The following IRF7 variants were observed in gnomAD, a reference collection of about 807,000 sequenced individuals.
IRF7 encodes interferon regulatory factor-7H.
A neutral mutation model predicts 51.3 loss-of-function variants in IRF7; 67 were observed. The ratio of observed to expected loss-of-function variants is 1.31; its 90% CI spans 1.07 to 1.60. The LOEUF is 1.60. IRF7 is among the 40% of genes most tolerant of loss of function. The probability of loss-of-function intolerance (pLI) is 0.00; values close to 1 mark genes in which losing one functional copy is unlikely to be tolerated. For missense variants in IRF7, 873 were observed against 701.5 expected (o/e 1.24, Z -2.76); for synonymous variants, 427 against 301.3 (o/e 1.42, Z -4.32).
intron 1 of IRF7, 30 bp from the exon 2 acceptor site, chr11:615,677 G>T (rs1175732850): frequency 5.1e-6 from 2 of 393,658 alleles, no homozygotes; most frequent in Non-Finnish European, 9.0e-6. Context: ...GACGTCAGGG[G>T]CGGGTCAGGC....
Position 612,645 on chromosome 11 carries a change from C to G in IRF7, c.1512G>C (p.Ter504TyrextTer4). Residue 504 changes from the stop codon to tyrosine (Y), a stop_lost, in exon 11 of 11, where the codon TAG becomes TAC. Coordinates refer to ENST00000525445, the MANE Select transcript of IRF7 (RefSeq NM_001572.5). ...CFLMELEQPA[*>Y] ...TCTGGAGTTCTCATTAGACTGGGTT[C>G]TAGGCGGGCTGCTCCAGCTCCATAA... is the stretch of plus-strand genomic sequence containing the variant. 1 of 1,612,638 alleles carries G rather than the reference C, an allele frequency of 6.2e-7. No individual in the cohort carries two copies. The highest frequency in any genetic ancestry group is 8.5e-7 in the Non-Finnish European group (1 of 1,179,948).
rs1856544662 is a variant in IRF7, at chr11:613,201, C to G, written c.1237+5G>C. The G allele has an allele frequency of 6.3e-7, 1 of 1,589,958 alleles. No individual in the cohort carries two copies. Among genetic ancestry groups the G allele is most frequent in the South Asian group, 1.1e-5 (1 of 89,054 alleles). On this transcript the variant is annotated splice_donor_5th_base_variant and intron_variant, in intron 9 of 10. Coordinates refer to ENST00000525445, the MANE Select transcript of IRF7 (RefSeq NM_001572.5). ...GACAGCCCCCCAGGCAAGGGCCTCA[C>G]TGACCTTGGAAGAAGACTCTGAAGT...
chr11:612,856 C>G (rs1482422336), intron 10 of IRF7, 56 bp from the exon 11 acceptor site: 45 of 1,591,408 alleles, frequency 2.8e-5, no homozygotes, highest in Non-Finnish European at 3.0e-5. Flanking sequence ...TCCCCTCCCC[C>G]TCCCCAGGCT....
chr11:615,477 A>T lies in IRF7; in HGVS notation c.-113T>A. ...GCCACAGGTCGTGTGGCCAGGTGTC[A>T]CAGGTGTCCACAGGTGTGGACTGAG... is the stretch of plus-strand genomic sequence containing the variant. On this transcript the variant is annotated 5_prime_UTR_variant, in exon 2 of 11. Transcript: ENST00000525445. 1.7e-6 allele frequency: 2 copies of T among 1,187,944 alleles called. No homozygotes were observed. The highest frequency in any genetic ancestry group is 2.3e-6 in the Non-Finnish European group (2 of 879,366). The allele number at this position is 1,187,944 out of a possible 1,614,324, so 73.6% of individuals were successfully genotyped here. A position where few individuals can be genotyped will look rare whatever the true frequency, so the allele number is the denominator to read the frequency against.
rs1027534669 is a variant in IRF7, at chr11:615,513, C to T, written c.-149G>A. ...CAGGTGTGGACTGAGGGCTTGTAGC[C>T]ACCGACGCTGCCTCGGTATGGATCT... On this transcript the variant is annotated 5_prime_UTR_variant, in exon 2 of 11. Coordinates refer to ENST00000525445, the MANE Select transcript of IRF7 (RefSeq NM_001572.5). The T allele has an allele frequency of 6.3e-5, 54 of 857,926 alleles. No homozygotes were observed. The highest frequency in any genetic ancestry group is 8.6e-5 in the Non-Finnish European group (50 of 584,700). The allele number at this position is 857,926 out of a possible 1,614,324, so 53.1% of individuals were successfully genotyped here.
rs138137517 is a variant in IRF7, at chr11:613,859, G to A, written c.773C>T (p.Ala258Val). 18 of 1,598,702 alleles carry A rather than the reference G, an allele frequency of 1.1e-5. No individual in the cohort carries two copies. In the African/African-American group the frequency reaches 2.4e-4, roughly 21 times the overall value. The change falls in exon 8 of 11, where the codon GCC (alanine) becomes GTC (valine). Residue 258 changes from alanine to valine, a missense_variant. Physicochemically the swap from Ala to Val is moderately conservative, Grantham distance 64. Coordinates refer to ENST00000525445, the MANE Select transcript of IRF7 (RefSeq NM_001572.5). The part of the protein sequence containing the change: ...PQPAALTTGE[A>V]AAPESPHQAE... ...CTGGTGCGGGGACTCTGGGGCCGCG[G>A]CCTCGCCTGCATCCGGAAGGGAATC...
In IRF7 at chr11:615,344, C is replaced by T. The variant is rs768506520; in HGVS notation, c.20+1G>A. 3 of 1,534,238 alleles carry T rather than the reference C, an allele frequency of 2.0e-6. No homozygotes were observed. The highest frequency in any genetic ancestry group is 1.4e-5 in the African/African-American group (1 of 72,986). On this transcript the variant is annotated splice_donor_variant, in intron 2 of 10. Coordinates refer to ENST00000525445, the MANE Select transcript of IRF7 (RefSeq NM_001572.5). LOFTEE classifies it high-confidence loss of function. ...CTGGAGAGGGTGGGCCGGGCTCTTA[C>T]CTCTCAGGAGCCAAGGCCATTGCTC...
chr11:614,043 G>A lies in IRF7; in HGVS notation c.680-6C>T, dbSNP rs1856655378. On this transcript the variant is annotated splice_polypyrimidine_tract_variant and splice_region_variant and intron_variant, in intron 6 of 10. Transcript: ENST00000525445. The stretch of plus-strand genomic sequence containing the variant: ...CCCAGCAGGGAGCCCTGGGCCTGAG[G>A]AGGGGAGGACAGTGGGAACGGTGGT... 6.2e-7 allele frequency: 1 copy of A among 1,605,892 alleles called. No homozygotes were observed. Among genetic ancestry groups the A allele is most frequent in the Non-Finnish European group, 8.5e-7 (1 of 1,176,936 alleles).
chr11:614,365 TG>T lies in IRF7; in HGVS notation c.487del (p.His163MetfsTer35). 6.2e-7 allele frequency: 1 copy of T among 1,609,286 alleles called. No individual in the cohort carries two copies. Among genetic ancestry groups the T allele is most frequent in the Non-Finnish European group, 8.5e-7 (1 of 1,178,700 alleles). On this transcript the variant is annotated frameshift_variant, in exon 6 of 11. Coordinates refer to ENST00000525445, the MANE Select transcript of IRF7 (RefSeq NM_001572.5). LOFTEE classifies it high-confidence loss of function. ...GGGGCCTGGGGCTTGGAGTCCAGCA[TG>T]TGTGTGTGCCAGGAATGGCCCTGGG... ...GPPGPFLAHT[H>X]AGLQAPGPLP...
chr11:614,216 C>G lies in IRF7; in HGVS notation c.637G>C (p.Glu213Gln), dbSNP rs375250292. ...ADPVPTKAPG[E>Q]GQEGLPLTGA... ...GTCAGGGGAAGCCCTTCTTGTCCCT[C>G]TCCAGGAGCCTTGGTTGGGACTGGA... The change falls in exon 6 of 11, where the codon GAG (glutamate) becomes CAG (glutamine). Residue 213 changes from glutamate to glutamine, a missense_variant. Glu to Gln is a conservative substitution (Grantham distance 29). Coordinates refer to ENST00000525445, the MANE Select transcript of IRF7 (RefSeq NM_001572.5). 4.5e-5 allele frequency: 73 copies of G among 1,612,968 alleles called. No individual in the cohort carries two copies. Among genetic ancestry groups the G allele is most frequent in the Non-Finnish European group, 6.1e-5 (72 of 1,179,958 alleles).
chr11:612,596 G>C lies in IRF7; in HGVS notation c.*49C>G, dbSNP rs778143529. 1.2e-6 allele frequency: 2 copies of C among 1,604,768 alleles called. No homozygotes were observed. Among genetic ancestry groups the C allele is most frequent in the African/African-American group, 1.3e-5 (1 of 74,810 alleles). On this transcript the variant is annotated 3_prime_UTR_variant, in exon 11 of 11. Coordinates refer to ENST00000525445, the MANE Select transcript of IRF7 (RefSeq NM_001572.5). ...TTATTAGACTGGGCGGCCGCGGCCA[G>C]CTCTAGGTGGGCTGCTCCAGCTTTC...
At position 614,609 on chromosome 11, in the gene IRF7, A is replaced by C. The variant is rs551152208; in HGVS notation, c.395-75T>G. ...ACAAGGAGAGCCTGGTGTAGCCCCC[A>C]CCAGCTTCCTGGCTGTGAACCCTTA... On this transcript the variant is annotated intron_variant, in intron 4 of 10. Coordinates refer to ENST00000525445, the MANE Select transcript of IRF7 (RefSeq NM_001572.5). 1.1e-5 allele frequency: 16 copies of C among 1,514,560 alleles called. No homozygotes were observed. In the South Asian group the frequency reaches 1.9e-4, roughly 18 times the overall value. The allele number at this position is 1,514,560 out of a possible 1,614,324, so 93.8% of individuals were successfully genotyped here. A position where few individuals can be genotyped will look rare whatever the true frequency, so the allele number is the denominator to read the frequency against.
intron 7 of IRF7, 34 bp from the exon 8 acceptor site, chr11:613,899 C>T (rs763286224): frequency 4.4e-6 from 7 of 1,598,388 alleles, no homozygotes; most frequent in Non-Finnish European, 5.1e-6. Context: ...GCTGGCACCT[C>T]ATCCCTAGCC....
chr11:615,327 G>T lies in IRF7; in HGVS notation c.20+18C>A, dbSNP rs770474804. Reference sequence around the variant, plus strand: ...CGCTCGGGGACTGGCATCTGGAGAGGGTGGGCCGGGCTCTTACCTCTCAGG... The same window carrying T: ...CGCTCGGGGACTGGCATCTGGAGAGTGTGGGCCGGGCTCTTACCTCTCAGG... On this transcript the variant is annotated intron_variant, in intron 2 of 10. Transcript: ENST00000525445. 6.4e-7 allele frequency: 1 copy of T among 1,553,882 alleles called. No homozygotes were observed. Among genetic ancestry groups the T allele is most frequent in the Non-Finnish European group, 8.7e-7 (1 of 1,154,738 alleles).
intron 5 of IRF7, 38 bp from the exon 6 acceptor site, chr11:614,437 C>A: frequency 6.3e-7 from 1 of 1,580,288 alleles, no homozygotes; most frequent in Non-Finnish European, 8.6e-7. Context: ...AGCAGCTCCG[C>A]GGCCTGGCAG....
Position 614,156 on chromosome 11 carries a change from C to T in IRF7, c.679+18G>A. On this transcript the variant is annotated intron_variant, in intron 6 of 10. Transcript: ENST00000525445. Reference sequence around the variant, plus strand: ...CTGGCCCCTCCCGCGCTCCCCCCCTCCCCGGGCACGCCCACACCTCCAGCA... The same window carrying T: ...CTGGCCCCTCCCGCGCTCCCCCCCTTCCCGGGCACGCCCACACCTCCAGCA... The T allele has an allele frequency of 6.2e-7, 1 of 1,606,994 alleles. No homozygotes were observed. The highest frequency in any genetic ancestry group is 8.5e-7 in the Non-Finnish European group (1 of 1,176,308).
rs750684733 is a variant in IRF7, at chr11:615,282, A to G, written c.21-23T>C. On this transcript the variant is annotated intron_variant, in intron 2 of 10. Transcript: ENST00000525445. ...GCCCTGCGGGTGCCCGGCCGCGGAG[A>G]GTCAGGGCCGGCTGCAGGGCGCTCG... The G allele has an allele frequency of 5.8e-5, 91 of 1,578,384 alleles. No homozygotes were observed. The highest frequency in any genetic ancestry group is 3.3e-4 in the Middle Eastern group (2 of 6,014).
At position 613,477 on chromosome 11, in the gene IRF7, C is replaced by G. The variant is rs1188278288; in HGVS notation, c.966G>C (p.Arg322=). The change falls in exon 9 of 11, where the codon CGG becomes CGC. Residue 322 remains arginine (R), a synonymous_variant. Coordinates refer to ENST00000525445, the MANE Select transcript of IRF7 (RefSeq NM_001572.5). The part of the protein sequence containing the change: ...FLYGPPDPAV[R]ATDPQQVAFP... ...ATGCTACCTGCTGGGGGTCTGTGGC[C>G]CGGACAGCTGGGTCTGGGGGGCCGT... 1 of 1,543,392 alleles carries G rather than the reference C, an allele frequency of 6.5e-7. No individual in the cohort carries two copies. The highest frequency in any genetic ancestry group is 8.7e-7 in the Non-Finnish European group (1 of 1,146,514).
At position 614,376 on chromosome 11, in the gene IRF7, C is replaced by T. The variant is rs1171289162; in HGVS notation, c.477G>A (p.Leu159=). 5 of 1,607,658 alleles carry T rather than the reference C, an allele frequency of 3.1e-6. No individual in the cohort carries two copies. The highest frequency in any genetic ancestry group is 4.2e-6 in the Non-Finnish European group (5 of 1,177,856). The part of the protein sequence containing the change: ...PPQGGPPGPF[L]AHTHAGLQAP... Reference sequence around the variant, plus strand: ...CTTGGAGTCCAGCATGTGTGTGTGCCAGGAATGGCCCTGGGGGCCCACCCT... The same window carrying T: ...CTTGGAGTCCAGCATGTGTGTGTGCTAGGAATGGCCCTGGGGGCCCACCCT... The change falls in exon 6 of 11, where the codon CTG becomes CTA. Residue 159 remains leucine, a synonymous_variant. Coordinates refer to ENST00000525445, the MANE Select transcript of IRF7 (RefSeq NM_001572.5).
Sources: allele counts gnomAD v4.1 joint callset, GRCh38; gene constraint gnomAD v4.1.1; transcripts MANE v1.5; gene names NCBI Gene and HGNC (gene_info 2026-07-23, HGNC 2026-07-21).